Variants in RHOF observed in about 807,000 individuals in gnomAD.
RHOF encodes ras homolog family member F, filopodia associated.
A neutral mutation model predicts 22.2 loss-of-function variants in RHOF; 21 were observed. The ratio of observed to expected loss-of-function variants is 0.95; its 90% confidence interval spans 0.67 to 1.36. RHOF has a LOEUF of 1.36. Ranked by LOEUF, RHOF falls within the 40% of genes most tolerant of loss-of-function variation. The probability of loss-of-function intolerance (pLI) is 0.00; values close to 1 mark genes in which losing one functional copy is unlikely to be tolerated. For synonymous variants in RHOF, 135 were observed against 131.2 expected, an observed-to-expected ratio of 1.03 and a Z score of -0.20; for missense variants, 285 against 293.7, an observed-to-expected ratio of 0.97 and a Z score of 0.22.
Position 121,793,209 on chromosome 12 carries a change from T to A in RHOF, c.169A>T (p.Thr57Ser). 6.4e-7 allele frequency: 1 copy of A among 1,550,936 alleles called. No homozygotes were observed. Among genetic ancestry groups the A allele is most frequent in the Non-Finnish European group, 8.7e-7 (1 of 1,146,852 alleles). Residue 57 changes from threonine to serine, a missense_variant, in exon 2 of 5, where the codon ACG becomes TCG. Transcript: ENST00000267205. Reference sequence around the variant, plus strand: ...TTGCTGCCAACGGTCACGCTGGCCGTGTACTTCTCGAACACCGATGGGGCG... The same window carrying A: ...TTGCTGCCAACGGTCACGCTGGCCGAGTACTTCTCGAACACCGATGGGGCG... ...HYAPSVFEKYTASVTVGSKEV... is the reference protein window; with the variant it reads ...HYAPSVFEKYSASVTVGSKEV...
intron 2 of RHOF, chr12:121,783,107 A>G (rs1319794982): frequency 6.6e-6 from 1 of 152,176 alleles, no homozygotes; most frequent in East Asian, 1.9e-4. Context: ...CCACTGCAGA[A>G]AGTTCTACTG....
chr12:121,792,603 A>G (rs927071569), intron 2 of RHOF, among the ~76,000 whole-genome samples: 2 of 152,212 alleles, frequency 1.3e-5, no homozygotes, highest in Non-Finnish European at 2.9e-5. Flanking sequence ...AGAACCACCA[A>G]CTGCAAGCCG....
chr12:121,786,056 C>T (rs1874600814), intron 2 of RHOF, among the ~76,000 whole-genome samples: 1 of 151,810 alleles, frequency 6.6e-6, no homozygotes, highest in Non-Finnish European at 1.5e-5. Flanking sequence ...GCTGGGACTA[C>T]AGGCGCCCAC....
At chr12:121,792,671 G>A (rs533180277) in intron 2 of RHOF, among the ~76,000 whole-genome samples, 49 of 152,316 alleles carry the variant, frequency 3.2e-4, no homozygotes, top group African/African-American at 1.1e-3. Context: ...AGAGCCTCAG[G>A]CTGCAGAGCG....
At chr12:121,784,439 A>G (rs1449350729) in intron 2 of RHOF, among the ~76,000 whole-genome samples, 2 of 150,260 alleles carry the variant, frequency 1.3e-5, no homozygotes, top group African/African-American at 2.5e-5. Flanking sequence ...CAGCTACTCC[A>G]GAGGCTGAGG....
In RHOF at chr12:121,788,262, A is replaced by C. The variant is rs555206107; in HGVS notation, c.226+4890T>G. Among the ~76,000 whole-genome samples, 149 of 151,754 alleles carry C rather than the reference A, an allele frequency of 9.8e-4. 1 individual carries two copies. Among genetic ancestry groups the C allele is most frequent in the Non-Finnish European group, 1.8e-3 (121 of 67,856 alleles). On this transcript the variant is annotated intron_variant, in intron 2 of 4. Transcript: ENST00000267205. ...CCTTACTGGAGTATTTTTTTTTCTTAGCCTACCCCAGAAAACAGGAAGGAA... is the reference window on the plus strand; with the variant it reads ...CCTTACTGGAGTATTTTTTTTTCTTCGCCTACCCCAGAAAACAGGAAGGAA...
intron 2 of RHOF, 108 bp from the exon 3 acceptor site, chr12:121,781,300 TC>T (rs756961883): frequency 9.8e-6 from 9 of 919,972 alleles, no homozygotes; most frequent in Non-Finnish European, 1.5e-5. Context: ...GGCCTCAATT[TC>T]CTCATCTATA....
chr12:121,787,018 A>G, intron 2 of RHOF, among the ~76,000 whole-genome samples: 1 of 152,170 alleles, frequency 6.6e-6, no homozygotes, highest in Admixed American at 6.5e-5. Context: ...AGCCTGAGGA[A>G]CACAGCGAGA....
At chr12:121,793,126 G>GC (rs1874806177) in intron 2 of RHOF, 26 bp downstream of exon 2, 12 of 1,542,602 alleles carry the variant, frequency 7.8e-6, no homozygotes, top group Non-Finnish European at 9.6e-6. Context: ...GGACCCTCGG[G>GC]CCCCCCGGCG....
chr12:121,792,637 C>T (rs992636886), intron 2 of RHOF, among the ~76,000 whole-genome samples: 2 of 152,246 alleles, frequency 1.3e-5, no homozygotes, highest in Non-Finnish European at 1.5e-5. Flanking sequence ...GCTGCAGACA[C>T]AGAACTCGCA....
At chr12:121,793,404 G>C in intron 1 of RHOF, 92 bp downstream of exon 1, 1 of 1,499,620 alleles carries the variant, frequency 6.7e-7, no homozygotes, top group Non-Finnish European at 9.0e-7. Context: ...CCGCCTGTCC[G>C]TGCTCGGGAC....
At chr12:121,784,718 A>G (rs1401443460) in intron 2 of RHOF, among the ~76,000 whole-genome samples, 1 of 152,168 alleles carries the variant, frequency 6.6e-6, no homozygotes, top group Non-Finnish European at 1.5e-5. Context: ...TGAAATTCCA[A>G]GTGGGATGTT....
chr12:121,789,630 C>T (rs938007621), intron 2 of RHOF, among the ~76,000 whole-genome samples: 7 of 152,132 alleles, frequency 4.6e-5, no homozygotes, highest in Non-Finnish European at 8.8e-5. Context: ...TGCTGGGGGC[C>T]GCCCACCTGT....
intron 2 of RHOF, among the ~76,000 whole-genome samples, chr12:121,786,016 G>A (rs947102175): frequency 1.3e-5 from 2 of 151,768 alleles, no homozygotes; most frequent in African/African-American, 4.8e-5. Flanking sequence ...CTGGGTTCAC[G>A]CCATTCTTCT....
rs761590215 is a variant in RHOF at position 121,793,535 on chromosome 12, G to C, written c.99C>G (p.Thr33=). 3.9e-6 allele frequency: 6 copies of C among 1,545,110 alleles called. No individual in the cohort carries two copies. The South Asian group carries it at 4.8e-5, about 12-fold the overall frequency. Residue 33 remains threonine, a synonymous_variant, in exon 1 of 5, where the codon ACC becomes ACG. Coordinates refer to ENST00000267205, the MANE Select transcript of RHOF (RefSeq NM_019034.3). ...VIVGDGGCGK[T]SLLMVYSQGS... is the part of the protein sequence containing the mutation. ...CCTGGCTGTACACCATGAGCAGCGA[G>C]GTCTTGCCGCAGCCGCCGTCGCCCA...
rs933402841 is a variant in RHOF at position 121,781,023 on chromosome 12, C to T, written c.337-17G>A. The T allele has an allele frequency of 5.1e-5, 82 of 1,612,796 alleles. No individual in the cohort carries two copies. Among genetic ancestry groups the T allele is most frequent in the Non-Finnish European group, 6.4e-5 (75 of 1,179,196 alleles). ...AGGGAACCACTGTGGAGGGAGGAGG[C>T]GGGATCAGGGGTGCGGCCGGGCCCA... On this transcript the variant is annotated splice_polypyrimidine_tract_variant and intron_variant, in intron 3 of 4. Transcript: ENST00000267205.
rs751392749 is a variant in RHOF at position 121,781,064 on chromosome 12, C to T, written c.336+19G>A. The T allele has an allele frequency of 2.5e-5, 41 of 1,613,844 alleles. No individual in the cohort carries two copies. The highest frequency in any genetic ancestry group is 2.5e-4 in the African/African-American group (19 of 74,940). ...GCCGGGCCCAGATGTGGGGCCACCACCCAGGAGGCCGGCCTCACCTTGATG... is the reference window on the plus strand; with the variant it reads ...GCCGGGCCCAGATGTGGGGCCACCATCCAGGAGGCCGGCCTCACCTTGATG... On this transcript the variant is annotated intron_variant, in intron 3 of 4. Coordinates refer to ENST00000267205, the MANE Select transcript of RHOF (RefSeq NM_019034.3).
rs1874807865 is a variant in RHOF at position 121,793,169 on chromosome 12, T to G, written c.209A>C (p.Asn70Thr). The G allele has an allele frequency of 1.3e-6, 2 of 1,550,198 alleles. No individual in the cohort carries two copies. The highest frequency in any genetic ancestry group is 2.0e-5 in the Admixed American group (1 of 50,988). The change falls in exon 2 of 5, where the codon AAC becomes ACC. Residue 70 changes from asparagine to threonine, a missense_variant. Coordinates refer to ENST00000267205, the MANE Select transcript of RHOF (RefSeq NM_019034.3). ...VTVGSKEVTL[N>T]LYDTAGQEDY... ...GCACTCACCGGCCGTGTCGTAGAGG[T>G]TCAGGGTCACCTCCTTGCTGCCAAC...
At chr12:121,791,744 G>A (rs1447149928) in intron 2 of RHOF, among the ~76,000 whole-genome samples, 1 of 152,190 alleles carries the variant, frequency 6.6e-6, no homozygotes, top group African/African-American at 2.4e-5. Flanking sequence ...AGTGAACCCC[G>A]GGACCTGATA....
Sources: gnomAD v4.1 joint callset for allele counts (sites outside exome capture counted in the v4.1 genomes callset) on GRCh38, gnomAD v4.1.1 for gene constraint, MANE v1.5 for transcripts, NCBI Gene and HGNC (gene_info 2026-07-23, HGNC 2026-07-21) for gene names.